HIPK2: variants seen among roughly 807,000 people sequenced by gnomAD.
HIPK2 encodes the protein homeodomain-interacting protein kinase 2.
Under a neutral mutation model 113.7 loss-of-function variants are expected in HIPK2, and 27 were observed. That is an observed-to-expected ratio of 0.24 (90% CI 0.17 to 0.33). HIPK2 has a LOEUF of 0.33. Ranked by LOEUF, HIPK2 falls within the 10% of genes least tolerant of loss-of-function variation. The pLI, the probability that HIPK2 is intolerant of heterozygous loss-of-function variation, is 1.00. For synonymous variants in HIPK2, 631 were observed against 642.2 expected (o/e 0.98, Z 0.26); for missense variants, 1,257 against 1,588.0 (o/e 0.79, Z 3.54).
intron 1 of HIPK2, among the ~76,000 whole-genome samples, chr7:139,725,820 A>G (rs144281554): frequency 1.2e-4 from 19 of 152,320 alleles, no homozygotes; most frequent in African/African-American, 4.6e-4. Context: ...TAATTTGTCC[A>G]AAGTCACTTC....
intron 2 of HIPK2, among the ~76,000 whole-genome samples, chr7:139,639,754 T>C (rs527727587): frequency 3.9e-5 from 6 of 152,350 alleles, no homozygotes; most frequent in East Asian, 1.9e-4. Flanking sequence ...AGGTGCTCCA[T>C]ACACATTTGT....
At chr7:139,776,613 G>A (rs1796756388) in intron 1 of HIPK2, among the ~76,000 whole-genome samples, 1 of 130,442 alleles carries the variant, frequency 7.7e-6, no homozygotes, top group African/African-American at 4.5e-5. Flanking sequence ...CCGAAAGAAA[G>A]CCGGGGGACC....
chr7:139,581,095 C>T (rs773307475), intron 13 of HIPK2, among the ~76,000 whole-genome samples: 108 of 152,152 alleles, frequency 7.1e-4, no homozygotes, highest in Non-Finnish European at 1.4e-3. Flanking sequence ...TGGTGCATGC[C>T]GGTAGTCCCA....
At chr7:139,756,802 C>T (rs1015887153) in intron 1 of HIPK2, among the ~76,000 whole-genome samples, 1 of 152,174 alleles carries the variant, frequency 6.6e-6, no homozygotes, top group Non-Finnish European at 1.5e-5. Flanking sequence ...ATACACACCG[C>T]CTGCTCTCAC....
At chr7:139,733,912 C>A (rs964283838) in intron 1 of HIPK2, among the ~76,000 whole-genome samples, 1 of 152,322 alleles carries the variant, frequency 6.6e-6, no homozygotes, top group South Asian at 2.1e-4. Flanking sequence ...GCTCCTTTGC[C>A]TGGTCAGTGA....
At chr7:139,624,652 G>A (rs1173131296) in intron 6 of HIPK2, among the ~76,000 whole-genome samples, 4 of 152,094 alleles carry the variant, frequency 2.6e-5, no homozygotes, top group Non-Finnish European at 5.9e-5. Context: ...AGAACACCAC[G>A]TTTACTTGGA....
chr7:139,649,924 G>C (rs1344744934), intron 2 of HIPK2, among the ~76,000 whole-genome samples: 1 of 152,154 alleles, frequency 6.6e-6, no homozygotes, highest in Non-Finnish European at 1.5e-5. Flanking sequence ...CCCTTGAAAA[G>C]CAAGGGTTCT....
intron 2 of HIPK2, among the ~76,000 whole-genome samples, chr7:139,663,994 G>A (rs747692292): frequency 6.6e-6 from 1 of 152,196 alleles, no homozygotes; most frequent in Non-Finnish European, 1.5e-5. Context: ...CTGGGCCAAG[G>A]GGCCATTCTT....
In HIPK2 at chr7:139,583,721, T is replaced by C. The variant is rs777840480; in HGVS notation, c.2965+96A>G. The C allele has an allele frequency of 1.2e-5, 19 of 1,520,242 alleles. No individual in the cohort carries two copies. In the South Asian group the frequency reaches 1.7e-4, roughly 14 times the overall value. 94.2% of individuals were successfully genotyped at this position (1,520,242 alleles called of 1,614,324 possible). On this transcript the variant is annotated intron_variant, in intron 13 of 14. Transcript: ENST00000406875. Reference sequence around the variant, plus strand: ...CCTGCAGTCACTGGGCACTTTCTATTGTACTAGCTCCCATACAGCAACATT... The same window carrying C: ...CCTGCAGTCACTGGGCACTTTCTATCGTACTAGCTCCCATACAGCAACATT...
intron 7 of HIPK2, among the ~76,000 whole-genome samples, chr7:139,615,212 T>C (rs780277441): frequency 2.6e-5 from 4 of 152,208 alleles, no homozygotes; most frequent in Non-Finnish European, 5.9e-5. Flanking sequence ...GGCTCAGGAC[T>C]ATGGGCAGTA....
chr7:139,666,029 T>A (rs762069931), intron 2 of HIPK2, among the ~76,000 whole-genome samples: 1 of 151,052 alleles, frequency 6.6e-6, no homozygotes, highest in East Asian at 1.9e-4. Context: ...GTCCTGCCGA[T>A]AGACAGTGAC....
intron 2 of HIPK2, among the ~76,000 whole-genome samples, chr7:139,677,539 CAAGCT>C (rs1426590596): frequency 6.6e-6 from 1 of 152,100 alleles, no homozygotes; most frequent in Non-Finnish European, 1.5e-5. Flanking sequence ...GTCAAGAGAG[CAAGCT>C]AAGCTAACAG....
At chr7:139,731,257 G>A (rs1795771824) in intron 1 of HIPK2, among the ~76,000 whole-genome samples, 1 of 152,178 alleles carries the variant, frequency 6.6e-6, no homozygotes, top group South Asian at 2.1e-4. Context: ...CTGTGTCTGT[G>A]GCCTCTTGGT....
intron 7 of HIPK2, 56 bp from the exon 8 acceptor site, chr7:139,614,549 T>G (rs1799963365): frequency 0.036 from 15,576 of 426,858 alleles, no homozygotes; most frequent in Non-Finnish European, 0.048. Context: ...ATGAGGGAGG[T>G]GGCATGTTGG....
chr7:139,667,815 G>GGTAA (rs1802100115), intron 2 of HIPK2, among the ~76,000 whole-genome samples: 1 of 151,988 alleles, frequency 6.6e-6, no homozygotes, highest in African/African-American at 2.4e-5. Context: ...TTATCTTTTA[G>GGTAA]GTAAGAACAA....
intron 13 of HIPK2, among the ~76,000 whole-genome samples, chr7:139,579,805 G>C (rs886175618): frequency 6.6e-6 from 1 of 152,184 alleles, no homozygotes; most frequent in Non-Finnish European, 1.5e-5. Flanking sequence ...ATCCAACCGT[G>C]CATTTGCGCC....
chr7:139,727,536 T>C lies in HIPK2; in HGVS notation c.20-10521A>G, dbSNP rs557684369. 2.6e-4 allele frequency among the ~76,000 whole-genome samples: 39 copies of C among 152,362 alleles called. 1 individual carries two copies. The highest frequency in any genetic ancestry group is 9.4e-4 in the African/African-American group (39 of 41,578). Reference sequence around the variant, plus strand: ...GAGAAAACATCCTTTTCCTAACATTTGCAAATTCTCCACACATCTATCTAC... The same window carrying C: ...GAGAAAACATCCTTTTCCTAACATTCGCAAATTCTCCACACATCTATCTAC... On this transcript the variant is annotated intron_variant, in intron 1 of 14. Coordinates refer to ENST00000406875, the MANE Select transcript of HIPK2 (RefSeq NM_022740.5).
rs1270317535 is a variant in HIPK2, at chr7:139,745,297, G to A, written c.20-28282C>T. Among the ~76,000 whole-genome samples the A allele has an allele frequency of 2.6e-5, 4 of 152,166 alleles. No individual in the cohort carries two copies. The East Asian group carries it at 7.7e-4, about 29-fold the overall frequency. On this transcript the variant is annotated intron_variant, in intron 1 of 14. Coordinates refer to ENST00000406875, the MANE Select transcript of HIPK2 (RefSeq NM_022740.5). ...TGAAAAGTCCCACCAGGGTGCGACT[G>A]TTCCAAGGATCCCTTGGAGCTTTTG...
At chr7:139,741,190 T>G (rs1432941918) in intron 1 of HIPK2, among the ~76,000 whole-genome samples, 1 of 152,112 alleles carries the variant, frequency 6.6e-6, no homozygotes, top group African/African-American at 2.4e-5. Context: ...TGGGGGTTGG[T>G]GAAGAGTTGG....
Sources: gnomAD v4.1 joint callset for allele counts (sites outside exome capture counted in the v4.1 genomes callset) on GRCh38, gnomAD v4.1.1 for gene constraint, MANE v1.5 for transcripts, NCBI Gene and HGNC (gene_info 2026-07-23, HGNC 2026-07-21) for gene names.